The following NTM variants were observed in gnomAD, a reference collection of about 807,000 sequenced individuals.
NTM encodes IgLON family member 2.
A neutral mutation model predicts 42.1 loss-of-function variants in NTM; 13 were observed. The ratio of observed to expected loss-of-function variants is 0.31; its 90% CI spans 0.20 to 0.49. The LOEUF is 0.49. Ranked by LOEUF, NTM falls within the 20% of genes least tolerant of loss-of-function variation. The pLI, the probability that NTM is intolerant of heterozygous loss-of-function variation, is 0.99. For synonymous variants in NTM, 187 were observed against 179.2 expected, an observed-to-expected ratio of 1.04 and a Z score of -0.35; for missense variants, 373 against 452.8, an observed-to-expected ratio of 0.82 and a Z score of 1.60.
At chr11:132,122,488 AGAGTTCGT>A (rs982003215) in intron 2 of NTM, among the ~76,000 whole-genome samples, 2 of 152,214 alleles carry the variant, frequency 1.3e-5, no homozygotes, top group African/African-American at 4.8e-5. Context: ...GCCTACTGTC[AGAGTTCGT>A]GAGTTTTTTA....
chr11:131,777,131 T>C lies in NTM; in HGVS notation c.83-134433T>C, dbSNP rs114555683. 1.9e-3 allele frequency: 1,574 copies of C among 850,178 alleles called. 18 individuals carry two copies. The African/African-American group carries it at 0.026, about 14-fold the overall frequency. 52.7% of individuals were successfully genotyped at this position (850,178 alleles called of 1,614,324 possible). A position where few individuals can be genotyped will look rare whatever the true frequency, so the allele number is the denominator to read the frequency against. On this transcript the variant is annotated intron_variant, in intron 1 of 8. Coordinates refer to ENST00000683400, the MANE Select transcript of NTM (RefSeq NM_001352005.2). ...TTGAAGGAAGTACTCAGTGTATTTATATATATTGCATATAACATCTCCACC... is the reference window on the plus strand; with the variant it reads ...TTGAAGGAAGTACTCAGTGTATTTACATATATTGCATATAACATCTCCACC...
chr11:131,493,100 T>A (rs1209184463), intron 1 of NTM, among the ~76,000 whole-genome samples: 1 of 151,922 alleles, frequency 6.6e-6, no homozygotes, highest in East Asian at 1.9e-4. Flanking sequence ...TGGTGGCACA[T>A]GTCTGTAGTC....
At chr11:131,379,820 C>G (rs933500320) in intron 1 of NTM, among the ~76,000 whole-genome samples, 16 of 152,158 alleles carry the variant, frequency 1.1e-4, no homozygotes, top group African/African-American at 3.9e-4. Context: ...TAAAATCATC[C>G]ATTAACAGAG....
At chr11:131,405,254 G>T (rs779739191) in intron 1 of NTM, among the ~76,000 whole-genome samples, 1 of 152,100 alleles carries the variant, frequency 6.6e-6, no homozygotes, top group African/African-American at 2.4e-5. Context: ...TACATCTGTT[G>T]ACTGCCAATT....
At chr11:132,153,066 C>G (rs78749798) in intron 3 of NTM, among the ~76,000 whole-genome samples, 4,624 of 152,266 alleles carry the variant, frequency 0.03, 253 homozygotes, top group African/African-American at 0.1. Flanking sequence ...CAGGCAACAT[C>G]TCTCCAGGTA....
chr11:131,470,982 A>C (rs894658093), intron 1 of NTM, among the ~76,000 whole-genome samples: 1 of 152,228 alleles, frequency 6.6e-6, no homozygotes, highest in African/African-American at 2.4e-5. Context: ...AGGAGATCAT[A>C]AGCTCAAACT....
intron 1 of NTM, among the ~76,000 whole-genome samples, chr11:131,850,411 C>T (rs894328775): frequency 1.3e-5 from 2 of 152,136 alleles, no homozygotes; most frequent in African/African-American, 4.8e-5. Flanking sequence ...TGATACAGTG[C>T]TAAGAAGTCA....
intron 4 of NTM, among the ~76,000 whole-genome samples, chr11:132,221,485 G>A (rs7952697): frequency 9.9e-5 from 15 of 152,058 alleles, no homozygotes; most frequent in African/African-American, 3.4e-4. Flanking sequence ...CCAGGTAGTC[G>A]GTCTGTCCCC....
intron 2 of NTM, among the ~76,000 whole-genome samples, chr11:132,065,209 C>G (rs1017839648): frequency 6.6e-6 from 1 of 152,212 alleles, no homozygotes; most frequent in South Asian, 2.1e-4. Flanking sequence ...GACCAGCTCT[C>G]TCAGAAGAGA....
At chr11:131,546,105 C>T (rs1419709998) in intron 1 of NTM, among the ~76,000 whole-genome samples, 1 of 152,136 alleles carries the variant, frequency 6.6e-6, no homozygotes, top group African/African-American at 2.4e-5. Context: ...CCTCATGCAC[C>T]ATGTTCCAGT....
At chr11:131,808,764 G>A (rs1272088004) in intron 1 of NTM, among the ~76,000 whole-genome samples, 5 of 152,108 alleles carry the variant, frequency 3.3e-5, no homozygotes, top group East Asian at 1.9e-4. Flanking sequence ...CAAATAGGAG[G>A]GGGAATATTC....
intron 1 of NTM, among the ~76,000 whole-genome samples, chr11:131,869,166 C>T (rs1305690143): frequency 6.6e-6 from 1 of 152,070 alleles, no homozygotes; most frequent in African/African-American, 2.4e-5. Flanking sequence ...GTAGATTTCA[C>T]TTTTTTTAAT....
intron 3 of NTM, among the ~76,000 whole-genome samples, chr11:132,184,157 T>A (rs954678368): frequency 1.2e-4 from 18 of 152,156 alleles, no homozygotes; most frequent in Non-Finnish European, 2.1e-4. Context: ...TGTCCGTAGA[T>A]CTTCCTGTTC....
chr11:131,827,757 T>C (rs901834587), intron 1 of NTM, among the ~76,000 whole-genome samples: 6 of 152,194 alleles, frequency 3.9e-5, no homozygotes, highest in Non-Finnish European at 1.5e-5. Context: ...GCTGGTAAAT[T>C]ACAGATATCT....
chr11:131,867,003 G>T (rs2047287732), intron 1 of NTM, among the ~76,000 whole-genome samples: 1 of 152,322 alleles, frequency 6.6e-6, no homozygotes, highest in East Asian at 1.9e-4. Flanking sequence ...GAGGAGGTGG[G>T]GGAAGGGGGC....
chr11:131,431,066 C>T (rs1026001630), intron 1 of NTM, among the ~76,000 whole-genome samples: 1 of 152,234 alleles, frequency 6.6e-6, no homozygotes, highest in African/African-American at 2.4e-5. Context: ...CAGAGACCTG[C>T]AAAATCCCCA....
At chr11:131,881,479 C>CACACACACACAA (rs2049481175) in intron 1 of NTM, among the ~76,000 whole-genome samples, 1 of 142,026 alleles carries the variant, frequency 7.0e-6, no homozygotes, top group South Asian at 2.3e-4. Context: ...CTCTCAGTTA[C>CACACACACACAA]ACACACACAC....
chr11:131,620,612 C>A (rs1266347330), intron 1 of NTM, among the ~76,000 whole-genome samples: 2 of 152,202 alleles, frequency 1.3e-5, no homozygotes, highest in Non-Finnish European at 2.9e-5. Flanking sequence ...AGGGCCTTGG[C>A]ACCTGCTGTT....
At chr11:132,142,792 T>C (rs2069472142) in intron 2 of NTM, among the ~76,000 whole-genome samples, 3 of 152,172 alleles carry the variant, frequency 2.0e-5, no homozygotes, top group South Asian at 2.1e-4. Flanking sequence ...GGAAATTGGC[T>C]GCGTTCTGAG....
Sources: allele counts gnomAD v4.1 joint callset (sites outside exome capture counted in the v4.1 genomes callset), GRCh38; gene constraint gnomAD v4.1.1; transcripts MANE v1.5; gene names NCBI Gene and HGNC (gene_info 2026-07-23, HGNC 2026-07-21).